Variants in MYBL1 observed in about 807,000 individuals in gnomAD.
The protein encoded by MYBL1 is myb-related protein A.
MYBL1 carries 17 observed loss-of-function variants against 96.3 expected under a neutral mutation model. That is an observed-to-expected ratio of 0.18 (90% confidence interval 0.12 to 0.26). MYBL1 has a LOEUF of 0.26. MYBL1 is among the 10% of genes least tolerant of loss of function. MYBL1 has a pLI of 1.00. For missense variants in MYBL1, 701 were observed against 882.9 expected, an observed-to-expected ratio of 0.79 and a Z score of 2.61; for synonymous variants, 282 against 292.7, an observed-to-expected ratio of 0.96 and a Z score of 0.37.
intron 3 of MYBL1, among the ~76,000 whole-genome samples, chr8:66,599,509 A>T (rs28572179): frequency 0.1 from 15,934 of 152,158 alleles, 1,866 homozygotes; most frequent in African/African-American, 0.28. Context: ...TGACATAAGA[A>T]CTCAAATAGT....
At position 66,602,512 on chromosome 8, in the gene MYBL1, T is replaced by G. The variant is rs1296616283; in HGVS notation, c.32A>C (p.Asp11Ala). 6.3e-7 allele frequency: 1 copy of G among 1,588,236 alleles called. No homozygotes were observed. The highest frequency in any genetic ancestry group is 1.9e-5 in the Admixed American group (1 of 53,948). Residue 11 changes from aspartate (D) to alanine (A), a missense_variant, in exon 2 of 16, where the codon GAT becomes GCT. Physicochemically the swap from Asp to Ala is moderately radical, Grantham distance 126. Coordinates refer to ENST00000522677, the MANE Select transcript of MYBL1 (RefSeq NM_001080416.4). MAKRSRSEDE[D>A]DDLQYADHDY... ...ATGATCGGCATACTGAAGGTCATCATCCTCATCCTCACTACAAAAAAAACA... is the reference window on the plus strand; with the variant it reads ...ATGATCGGCATACTGAAGGTCATCAGCCTCATCCTCACTACAAAAAAAACA...
intron 12 of MYBL1, among the ~76,000 whole-genome samples, chr8:66,567,466 T>C (rs1808549121): frequency 6.6e-6 from 1 of 152,102 alleles, no homozygotes; most frequent in South Asian, 2.1e-4. Flanking sequence ...GTCATTTTCA[T>C]CTTTGTATAC....
chr8:66,573,411 A>T lies in MYBL1; in HGVS notation c.1566T>A (p.Thr522=), dbSNP rs1214769480. The part of the protein sequence containing the change: ...PICGQKALIT[T]PLHKETTPKD... ...TGGGAGTTGTTTCCTTATGAAGAGG[A>T]GTTGTAATGAGAGCTTTCTGCCCAC... Residue 522 remains threonine, a synonymous_variant, in exon 11 of 16, where the codon ACT becomes ACA. Transcript: ENST00000522677. 1 of 1,612,318 alleles carries T rather than the reference A, an allele frequency of 6.2e-7. No homozygotes were observed. The highest frequency in any genetic ancestry group is 1.3e-5 in the African/African-American group (1 of 74,862).
In MYBL1 at chr8:66,602,338, A is replaced by AC; in HGVS notation, c.126+79dup. 4 of 962,188 alleles carry AC rather than the reference A, an allele frequency of 4.2e-6. No individual in the cohort carries two copies. In the South Asian group the frequency reaches 7.8e-5, roughly 19 times the overall value. The allele number at this position is 962,188 out of a possible 1,614,324, so 59.6% of individuals were successfully genotyped here. On this transcript the variant is annotated intron_variant, in intron 2 of 15. Coordinates refer to ENST00000522677, the MANE Select transcript of MYBL1 (RefSeq NM_001080416.4). ...AGGGCTGGGATTACAGGCGTGAGCC[A>AC]CCACACCTGGCCGTATAACTATAGC...
intron 3 of MYBL1, 32 bp from the exon 4 acceptor site, chr8:66,599,174 C>A: frequency 2.0e-6 from 3 of 1,484,304 alleles, no homozygotes; most frequent in Non-Finnish European, 2.7e-6. Context: ...TGTTATTAAA[C>A]AACTGTCTTC....
In MYBL1 at chr8:66,576,375, C is replaced by T. The variant is rs1235796288; in HGVS notation, c.1102G>A (p.Asp368Asn). 6 of 1,596,736 alleles carry T rather than the reference C, an allele frequency of 3.8e-6. No individual in the cohort carries two copies. The highest frequency in any genetic ancestry group is 2.6e-6 in the Non-Finnish European group (3 of 1,173,656). Residue 368 changes from aspartate (D) to asparagine (N), a missense_variant and splice_region_variant, in exon 10 of 16, where the codon GAT becomes AAT. By Grantham distance (23) the Asp-to-Asn change is conservative. Coordinates refer to ENST00000522677, the MANE Select transcript of MYBL1 (RefSeq NM_001080416.4). ...FAETLELIES[D>N]PVAWSDVTSF... is the part of the protein sequence containing the mutation. Reference sequence around the variant, plus strand: ...GTAACGTCACTCCATGCTACAGGATCCTGCAATAAATTAAACTGTTAATAA... The same window carrying T: ...GTAACGTCACTCCATGCTACAGGATTCTGCAATAAATTAAACTGTTAATAA...
At chr8:66,592,380 A>C in intron 8 of MYBL1, 60 bp downstream of exon 8, 1 of 1,132,974 alleles carries the variant, frequency 8.8e-7, no homozygotes, top group Non-Finnish European at 1.3e-6. Flanking sequence ...TAGCTGATAA[A>C]AATGACAAAA....
rs1810592575 is a variant in MYBL1 at position 66,612,923 on chromosome 8, C to G, written c.-85G>C. The G allele has an allele frequency of 1.5e-6, 2 of 1,291,352 alleles. No individual in the cohort carries two copies. The highest frequency in any genetic ancestry group is 6.1e-5 in the Admixed American group (2 of 32,660). The allele number at this position is 1,291,352 out of a possible 1,614,324, so 80.0% of individuals were successfully genotyped here. On this transcript the variant is annotated 5_prime_UTR_variant, in exon 1 of 16. Transcript: ENST00000522677. ...CCGGCGAATGCTCCTTCTCCCCGAT[C>G]CTCTAGCCGCTTCCCTCGCTCCCTC...
chr8:66,612,271 A>G (rs1172209215), intron 1 of MYBL1: 2 of 152,892 alleles, frequency 1.3e-5, no homozygotes, highest in Non-Finnish European at 2.9e-5. Flanking sequence ...AGCTGAGCAT[A>G]TGGGTATAGG....
intron 1 of MYBL1, 77 bp downstream of exon 1, chr8:66,612,742 G>A: frequency 7.6e-7 from 1 of 1,308,960 alleles, no homozygotes; most frequent in Admixed American, 3.2e-5. Context: ...CTTATGGCGG[G>A]AGGGGGCAGC....
Position 66,580,284 on chromosome 8 carries a change from T to A in MYBL1, c.950A>T (p.His317Leu). 6 of 1,613,852 alleles carry A rather than the reference T, an allele frequency of 3.7e-6. No individual in the cohort carries two copies. Among genetic ancestry groups the A allele is most frequent in the Non-Finnish European group, 5.1e-6 (6 of 1,179,814 alleles). The stretch of plus-strand genomic sequence containing the variant: ...ATCCATACTGTAAAACTCACTAGTG[T>A]GCTCGTCAAGGCTATTTAGAGTATT... ...MSNTLNSLDE[H>L]TSEFYSMDEN... is the part of the protein sequence containing the mutation. The change falls in exon 9 of 16, where the codon CAC (histidine) becomes CTC (leucine). Residue 317 changes from histidine (H) to leucine (L), a missense_variant. By Grantham distance (99) the His-to-Leu change is moderately conservative (BLOSUM62 -3). This residue lies in a region of MYBL1 where 396 missense variants were observed against 407.4 expected (regional missense o/e 0.97). Transcript: ENST00000522677.
chr8:66,602,178 T>C (rs1810098921), intron 2 of MYBL1, among the ~76,000 whole-genome samples: 2 of 151,894 alleles, frequency 1.3e-5, no homozygotes, highest in Non-Finnish European at 2.9e-5. Flanking sequence ...GCCTCCCAAG[T>C]AGGATTAGGA....
chr8:66,607,440 C>T (rs1436730208), intron 1 of MYBL1, among the ~76,000 whole-genome samples: 2 of 152,090 alleles, frequency 1.3e-5, no homozygotes, highest in Non-Finnish European at 2.9e-5. Context: ...CCACGTTCAC[C>T]TCTCAGGACT....
intron 1 of MYBL1, among the ~76,000 whole-genome samples, chr8:66,604,396 G>A (rs1040053940): frequency 7.9e-5 from 12 of 151,906 alleles, no homozygotes; most frequent in African/African-American, 2.9e-4. Flanking sequence ...GGTGGTATGT[G>A]CCTGTAATCC....
At chr8:66,612,726 G>C in intron 1 of MYBL1, 93 bp downstream of exon 1, 1 of 1,289,282 alleles carries the variant, frequency 7.8e-7, no homozygotes, top group Non-Finnish European at 1.0e-6. Flanking sequence ...CCTCGCCAGG[G>C]AGGGCCTTAT....
chr8:66,579,136 C>T (rs1809093888), intron 9 of MYBL1, among the ~76,000 whole-genome samples: 3 of 151,486 alleles, frequency 2.0e-5, no homozygotes, highest in Admixed American at 6.6e-5. Flanking sequence ...TGCTAAATGA[C>T]GAGTTAATGG....
intron 8 of MYBL1, 82 bp from the exon 9 acceptor site, chr8:66,580,448 G>T: frequency 4.4e-6 from 4 of 902,520 alleles, no homozygotes; most frequent in Non-Finnish European, 3.3e-6. Context: ...TTTCAATTAG[G>T]CTAAAAACAT....
chr8:66,593,010 G>T lies in MYBL1; in HGVS notation c.762+110C>A, dbSNP rs1288719210. ...TAGTTAGAGTACTCCAAGTAGGACA[G>T]ATCGTATTATTTTTATACTAGTTTA... On this transcript the variant is annotated intron_variant, in intron 7 of 15. Coordinates refer to ENST00000522677, the MANE Select transcript of MYBL1 (RefSeq NM_001080416.4). 3.9e-5 allele frequency: 26 copies of T among 666,020 alleles called. No individual in the cohort carries two copies. In the Admixed American group the frequency reaches 7.3e-4, roughly 19 times the overall value. 41.3% of individuals were successfully genotyped at this position (666,020 alleles called of 1,614,324 possible).
At chr8:66,567,101 T>C (rs1808534895) in intron 12 of MYBL1, 109 bp from the exon 13 acceptor site, 7 of 672,028 alleles carry the variant, frequency 1.0e-5, no homozygotes, top group Non-Finnish European at 1.8e-5. Flanking sequence ...CATAATTTTC[T>C]CCTAGCCCCT....
Sources: allele counts gnomAD v4.1 joint callset (sites outside exome capture counted in the v4.1 genomes callset), GRCh38; gene constraint gnomAD v4.1.1; regional missense constraint gnomAD v4.1.1; transcripts MANE v1.5; gene names NCBI Gene and HGNC (gene_info 2026-07-23, HGNC 2026-07-21).